The following ZBTB49 variants were observed in gnomAD, a reference collection of about 807,000 sequenced individuals.
ZBTB49 encodes zinc finger and BTB domain-containing protein 49.
In ZBTB49, 43 loss-of-function variants were observed where a neutral mutation model predicts 57.5. That is an observed-to-expected ratio of 0.75 (90% CI 0.59 to 0.97). The LOEUF (loss-of-function observed/expected upper bound fraction) is 0.97, where lower values mean the gene tolerates loss of function less well. Among genes scored for constraint, ZBTB49 ranks in the 50% least tolerant of loss-of-function variants. The pLI is 0.00. For missense variants in ZBTB49, 938 were observed against 947.7 expected (o/e 0.99, Z 0.13); for synonymous variants, 369 against 362.1 (o/e 1.02, Z -0.22).
intron 1 of ZBTB49, 146 bp from the exon 2 acceptor site, chr4:4,299,781 G>T (rs892607435): frequency 1.2e-5 from 3 of 246,918 alleles, no homozygotes; most frequent in Non-Finnish European, 2.5e-5. Flanking sequence ...ACAGAGGTGT[G>T]TGTGTGTGTG....
At chr4:4,292,244 C>T (rs1403582901) in intron 1 of ZBTB49, among the ~76,000 whole-genome samples, 2 of 152,118 alleles carry the variant, frequency 1.3e-5, no homozygotes, top group African/African-American at 4.8e-5. Flanking sequence ...GCACACCACT[C>T]CACTCCAGCC....
rs745734061 is a variant in ZBTB49, at chr4:4,315,831, G to A, written c.1482G>A (p.Leu494=). 1 of 1,614,098 alleles carries A rather than the reference G, an allele frequency of 6.2e-7. No homozygotes were observed. Among genetic ancestry groups the A allele is most frequent in the African/African-American group, 1.3e-5 (1 of 74,942 alleles). ...TAGGGTTTAGTAACTTCAGTAATTT[G>A]AAGGAGCACAAAAAGACACACACGG... ...CGRGFSNFSN[L]KEHKKTHTAD... Residue 494 remains leucine (L), a synonymous_variant, in exon 7 of 8, where the codon TTG becomes TTA. Coordinates refer to ENST00000337872, the MANE Select transcript of ZBTB49 (RefSeq NM_145291.4).
intron 3 of ZBTB49, 74 bp from the exon 4 acceptor site, chr4:4,306,064 A>G: frequency 8.0e-7 from 1 of 1,244,134 alleles, no homozygotes. Flanking sequence ...AGTACATAGG[A>G]GGTCATTTAA....
chr4:4,314,748 GA>G (rs1721117156), intron 5 of ZBTB49, among the ~76,000 whole-genome samples: 1 of 152,238 alleles, frequency 6.6e-6, no homozygotes, highest in South Asian at 2.1e-4. Context: ...AAGCGTAGTG[GA>G]AAGGAAAGAA....
intron 4 of ZBTB49, among the ~76,000 whole-genome samples, chr4:4,310,822 T>A (rs190685430): frequency 2.1e-3 from 312 of 152,192 alleles, no homozygotes; most frequent in African/African-American, 7.1e-3. Context: ...CCCGGCCTAC[T>A]TGCTAGAATT....
chr4:4,308,905 G>A (rs766879483), intron 4 of ZBTB49, among the ~76,000 whole-genome samples: 17 of 152,208 alleles, frequency 1.1e-4, no homozygotes, highest in Non-Finnish European at 2.5e-4. Flanking sequence ...TTGAGAGATT[G>A]CTTAGGTGAG....
chr4:4,313,184 T>C (rs986827159), intron 5 of ZBTB49, 70 bp downstream of exon 5: 11 of 1,571,358 alleles, frequency 7.0e-6, no homozygotes, highest in Admixed American at 1.8e-5. Flanking sequence ...GTAGTCAGTG[T>C]CTTCTGAAGT....
At chr4:4,293,072 G>A (rs1197372599) in intron 1 of ZBTB49, among the ~76,000 whole-genome samples, 1 of 152,156 alleles carries the variant, frequency 6.6e-6, no homozygotes, top group Non-Finnish European at 1.5e-5. Flanking sequence ...TAGTCCAATA[G>A]GGGACCTCTC....
At chr4:4,304,656 G>A (rs1196904634) in intron 3 of ZBTB49, among the ~76,000 whole-genome samples, 6 of 152,092 alleles carry the variant, frequency 3.9e-5, no homozygotes, top group African/African-American at 9.7e-5. Flanking sequence ...ATATTCTACC[G>A]AGAAGGGCAG....
chr4:4,307,833 G>A (rs1720805752), intron 4 of ZBTB49, among the ~76,000 whole-genome samples: 1 of 152,198 alleles, frequency 6.6e-6, no homozygotes, highest in African/African-American at 2.4e-5. Flanking sequence ...CGTGGAACTA[G>A]TGGGAAAATG....
At chr4:4,298,723 C>T (rs1184466204) in intron 1 of ZBTB49, among the ~76,000 whole-genome samples, 1 of 152,210 alleles carries the variant, frequency 6.6e-6, no homozygotes, top group African/African-American at 2.4e-5. Context: ...AACCACCACG[C>T]CTAGTGCAGA....
At chr4:4,304,255 T>G (rs1720643338) in intron 3 of ZBTB49, among the ~76,000 whole-genome samples, 1 of 150,850 alleles carries the variant, frequency 6.6e-6, no homozygotes, top group Non-Finnish European at 1.5e-5. Flanking sequence ...AGACAGAGTT[T>G]CGCTCTGTTG....
chr4:4,304,941 T>TA (rs1720673116), intron 3 of ZBTB49, among the ~76,000 whole-genome samples: 3 of 43,378 alleles, frequency 6.9e-5, no homozygotes, highest in African/African-American at 2.9e-4. Context: ...ACCTCAATTT[T>TA]AAGGTGAAGG....
rs749541400 is a variant in ZBTB49 at position 4,321,227 on chromosome 4, A to C, written c.2209A>C (p.Arg737=). The C allele has an allele frequency of 1.2e-6, 2 of 1,614,178 alleles. No individual in the cohort carries two copies. The highest frequency in any genetic ancestry group is 4.5e-5 in the East Asian group (2 of 44,890). Reference sequence around the variant, plus strand: ...CAGTCGAGCATCTTCCACCACTTATAGGAACTCAGAGGGTCAGTTTTTCTC... The same window carrying C: ...CAGTCGAGCATCTTCCACCACTTATCGGAACTCAGAGGGTCAGTTTTTCTC... The part of the protein sequence containing the change: ...LGSRASSTTY[R]NSEGQFFSSM... Residue 737 remains arginine (R), a synonymous_variant, in exon 8 of 8, where the codon AGG becomes CGG. Coordinates refer to ENST00000337872, the MANE Select transcript of ZBTB49 (RefSeq NM_145291.4).
chr4:4,302,710 G>A lies in ZBTB49; in HGVS notation c.874G>A (p.Ala292Thr), dbSNP rs142461013. ...CTCTGCCCCACACCCTGAGTCAGAC[G>A]CCACATGCCAACAACCTGTCAAGCA... ...NDSAPHPESDATCQQPVKQMR... is the reference protein window; with the variant it reads ...NDSAPHPESDTTCQQPVKQMR... Residue 292 changes from alanine (A) to threonine (T), a missense_variant, in exon 3 of 8, where the codon GCC (alanine) becomes ACC (threonine). Coordinates refer to ENST00000337872, the MANE Select transcript of ZBTB49 (RefSeq NM_145291.4). The A allele has an allele frequency of 1.4e-4, 227 of 1,613,094 alleles. No individual in the cohort carries two copies. In the African/African-American group the frequency reaches 1.7e-3, roughly 12 times the overall value.
intron 4 of ZBTB49, among the ~76,000 whole-genome samples, chr4:4,308,954 C>G (rs1230908047): frequency 6.6e-6 from 1 of 152,220 alleles, no homozygotes; most frequent in Non-Finnish European, 1.5e-5. Context: ...CCTGGCATCC[C>G]TGGCATGCTG....
rs993292174 is a variant in ZBTB49, at chr4:4,315,816, T to A, written c.1467T>A (p.Ser489Arg). 2 of 1,614,126 alleles carry A rather than the reference T, an allele frequency of 1.2e-6. No homozygotes were observed. The highest frequency in any genetic ancestry group is 1.7e-6 in the Non-Finnish European group (2 of 1,180,052). ...CTGTTATGGTCTCTCTAGGGTTTAGTAACTTCAGTAATTTGAAGGAGCACA... is the reference window on the plus strand; with the variant it reads ...CTGTTATGGTCTCTCTAGGGTTTAGAAACTTCAGTAATTTGAAGGAGCACA... The part of the protein sequence containing the change: ...HLCDICGRGF[S>R]NFSNLKEHKK... Residue 489 changes from serine (S) to arginine (R), a missense_variant, in exon 7 of 8, where the codon AGT becomes AGA. Ser to Arg is a moderately radical substitution (Grantham distance 110). This residue lies in a region of ZBTB49 where 835 missense variants were observed against 819.1 expected (regional missense o/e 1.02). Transcript: ENST00000337872.
At position 4,309,554 on chromosome 4, in the gene ZBTB49, G is replaced by A. The variant is rs73793207; in HGVS notation, c.1302+3370G>A. Among the ~76,000 whole-genome samples, 1,225 of 152,314 alleles carry A rather than the reference G, an allele frequency of 8.0e-3. 13 individuals carry two copies. The highest frequency in any genetic ancestry group is 0.027 in the African/African-American group (1,132 of 41,568). ...GGATTGCTTTTGTTCCTCCAAGTAGGCAGAAACAGAAACACTGGGCAGCTG... is the reference window on the plus strand; with the variant it reads ...GGATTGCTTTTGTTCCTCCAAGTAGACAGAAACAGAAACACTGGGCAGCTG... On this transcript the variant is annotated intron_variant, in intron 4 of 7. Coordinates refer to ENST00000337872, the MANE Select transcript of ZBTB49 (RefSeq NM_145291.4).
At chr4:4,317,271 A>G (rs1301486351) in intron 7 of ZBTB49, among the ~76,000 whole-genome samples, 1 of 152,062 alleles carries the variant, frequency 6.6e-6, no homozygotes, top group East Asian at 1.9e-4. Flanking sequence ...CTTCTGGGGG[A>G]TGGGGGAGCG....
Sources: allele counts gnomAD v4.1 joint callset (sites outside exome capture counted in the v4.1 genomes callset), GRCh38; gene constraint gnomAD v4.1.1; regional missense constraint gnomAD v4.1.1; transcripts MANE v1.5; gene names NCBI Gene and HGNC (gene_info 2026-07-23, HGNC 2026-07-21).